IL4R: variants seen among roughly 807,000 people sequenced by gnomAD.
IL4R encodes interleukin 4 receptor, also known as interleukin-4 receptor subunit alpha.
Under a neutral mutation model 41.5 loss-of-function variants are expected in IL4R, and 17 were observed. That is an observed-to-expected ratio of 0.41 (90% CI 0.28 to 0.61). The LOEUF is 0.61. Among genes scored for constraint, IL4R ranks in the 20% least tolerant of loss-of-function variants. The pLI, the probability that IL4R is intolerant of heterozygous loss-of-function variation, is 0.31. For synonymous variants in IL4R, 402 were observed against 422.9 expected (o/e 0.95, Z 0.61); for missense variants, 974 against 1,043.1 (o/e 0.93, Z 0.91).
intron 7 of IL4R, among the ~76,000 whole-genome samples, chr16:27,353,030 C>T (rs568418072): frequency 4.5e-4 from 69 of 152,354 alleles, no homozygotes; most frequent in African/African-American, 1.7e-3. Flanking sequence ...TGCCGTCATT[C>T]TCCAGGACAA....
chr16:27,335,535 T>C (rs2085239250), intron 2 of IL4R, among the ~76,000 whole-genome samples: 1 of 152,050 alleles, frequency 6.6e-6, no homozygotes, highest in Non-Finnish European at 1.5e-5. Flanking sequence ...GCACCCGGCC[T>C]CCTCCATTTA....
At position 27,344,862 on chromosome 16, in the gene IL4R, T is replaced by C. The variant is rs113886028; in HGVS notation, c.210-7T>C. The C allele has an allele frequency of 1.9e-6, 3 of 1,613,914 alleles. No individual in the cohort carries two copies. In the South Asian group the frequency reaches 3.3e-5, roughly 18 times the overall value. On this transcript the variant is annotated splice_polypyrimidine_tract_variant and splice_region_variant and intron_variant, in intron 4 of 10. Coordinates refer to ENST00000395762, the MANE Select transcript of IL4R (RefSeq NM_000418.4). ...TGACCAGCCTAACCCAGCCCCTGTG[T>C]CTGCAGAGCCCACACGTGTATCCCT... is the stretch of plus-strand genomic sequence containing the variant.
At chr16:27,324,675 C>G (rs1026307611) in intron 1 of IL4R, among the ~76,000 whole-genome samples, 1 of 152,216 alleles carries the variant, frequency 6.6e-6, no homozygotes, top group Non-Finnish European at 1.5e-5. Context: ...GGCTTCTGGA[C>G]ACAGTTTCCT....
chr16:27,333,423 A>G (rs543733980), intron 2 of IL4R, among the ~76,000 whole-genome samples: 19 of 152,144 alleles, frequency 1.2e-4, no homozygotes, highest in Admixed American at 1.2e-3. Context: ...AGGAACTGGT[A>G]TACTGGAATC....
chr16:27,351,510 CTTT>C (rs71387789), intron 6 of IL4R, among the ~76,000 whole-genome samples: 23 of 118,552 alleles, frequency 1.9e-4, no homozygotes, highest in African/African-American at 4.9e-4. Context: ...CTCTCTCTCT[CTTT>C]TTTTTTTTTT....
intron 1 of IL4R, chr16:27,314,278 C>T (rs2084560622): frequency 3.7e-6 from 1 of 273,812 alleles, no homozygotes; most frequent in Non-Finnish European, 5.6e-6. Flanking sequence ...GGCAGTGAGA[C>T]CTCCGCCGGG....
At chr16:27,343,442 T>C (rs1343061147) in intron 4 of IL4R, among the ~76,000 whole-genome samples, 1 of 152,186 alleles carries the variant, frequency 6.6e-6, no homozygotes, top group Non-Finnish European at 1.5e-5. Flanking sequence ...TTTGTTTTCT[T>C]TGAGACAGAG....
intron 2 of IL4R, among the ~76,000 whole-genome samples, chr16:27,335,710 T>C (rs929122846): frequency 2.0e-5 from 3 of 152,142 alleles, no homozygotes; most frequent in African/African-American, 7.2e-5. Context: ...TATCTGGTAC[T>C]TTTCCTTCTC....
rs762418643 is a variant in IL4R, at chr16:27,362,576, G to C, written c.1224G>C (p.Glu408Asp). The C allele has an allele frequency of 6.2e-7, 1 of 1,614,224 alleles. No homozygotes were observed. The highest frequency in any genetic ancestry group is 1.7e-5 in the Admixed American group (1 of 60,032). ...GREGIVARLTESLFLDLLGEE... is the reference protein window; with the variant it reads ...GREGIVARLTDSLFLDLLGEE... ...AGGGCATTGTGGCCCGGCTAACAGAGAGCCTGTTCCTGGACCTGCTCGGAG... is the reference window on the plus strand; with the variant it reads ...AGGGCATTGTGGCCCGGCTAACAGACAGCCTGTTCCTGGACCTGCTCGGAG... The change falls in exon 11 of 11, where the codon GAG (glutamate) becomes GAC (aspartate). Residue 408 changes from glutamate (E) to aspartate (D), a missense_variant. Physicochemically the swap from Glu to Asp is conservative, Grantham distance 45. Transcript: ENST00000395762.
intron 2 of IL4R, among the ~76,000 whole-genome samples, chr16:27,331,764 AAGTAATAGTAATAATACTATTATTATCC>A (rs1173545044): frequency 6.6e-6 from 1 of 152,052 alleles, no homozygotes; most frequent in Non-Finnish European, 1.5e-5. Flanking sequence ...AAAAGAGTTG[AAGTAATAGTAATAATACTATTATTATCC>A]AATAATAGTA....
intron 5 of IL4R, among the ~76,000 whole-genome samples, chr16:27,346,036 C>G (rs1171438678): frequency 6.6e-6 from 1 of 151,718 alleles, no homozygotes; most frequent in African/African-American, 2.4e-5. Context: ...GTTACTTTGG[C>G]TCATACACTT....
Position 27,363,767 on chromosome 16 carries a change from A to T in IL4R, c.2415A>T (p.Ser805=). The T allele has an allele frequency of 6.2e-7, 1 of 1,611,922 alleles. No individual in the cohort carries two copies. Among genetic ancestry groups the T allele is most frequent in the Non-Finnish European group, 8.5e-7 (1 of 1,179,928 alleles). ...FHPAPGNAQS[S]SQTPKIVNFV... is the part of the protein sequence containing the mutation. ...CTGCCCCTGGCAATGCTCAGAGCTC[A>T]AGCCAGACCCCCAAAATCGTGAACT... Residue 805 remains serine, a synonymous_variant, in exon 11 of 11, where the codon TCA becomes TCT. Coordinates refer to ENST00000395762, the MANE Select transcript of IL4R (RefSeq NM_000418.4).
At chr16:27,355,938 T>C (rs1189279773) in intron 8 of IL4R, 31 bp downstream of exon 8, 1 of 1,524,226 alleles carries the variant, frequency 6.6e-7, no homozygotes, top group Non-Finnish European at 9.1e-7. Context: ...TGCCGAGCAG[T>C]CCCTCTGGAG....
chr16:27,336,055 T>A (rs1433605733), intron 2 of IL4R, among the ~76,000 whole-genome samples: 3 of 152,178 alleles, frequency 2.0e-5, no homozygotes, highest in Admixed American at 6.5e-5. Flanking sequence ...ATGTGTCTCA[T>A]ACACAGATGT....
intron 6 of IL4R, among the ~76,000 whole-genome samples, chr16:27,351,364 T>C (rs1041137871): frequency 1.3e-5 from 2 of 152,088 alleles, no homozygotes; most frequent in Non-Finnish European, 2.9e-5. Flanking sequence ...CCATCACCTT[T>C]ACCATATTCT....
intron 6 of IL4R, among the ~76,000 whole-genome samples, chr16:27,349,693 A>C (rs1316593798): frequency 6.6e-6 from 1 of 152,210 alleles, no homozygotes; most frequent in African/African-American, 2.4e-5. Context: ...TATGCCTACT[A>C]TGTGCCAGGC....
At chr16:27,335,478 C>T (rs1308557346) in intron 2 of IL4R, among the ~76,000 whole-genome samples, 1 of 152,118 alleles carries the variant, frequency 6.6e-6, no homozygotes, top group African/African-American at 2.4e-5. Flanking sequence ...AGCCATCCTC[C>T]TGCCTCAGCC....
chr16:27,342,911 G>A (rs1303647796), intron 4 of IL4R, among the ~76,000 whole-genome samples: 1 of 152,234 alleles, frequency 6.6e-6, no homozygotes, highest in Non-Finnish European at 1.5e-5. Flanking sequence ...ACGCCAGTGA[G>A]AGAGAGTGAA....
In IL4R at chr16:27,346,711, A is replaced by G. The variant is rs939134299; in HGVS notation, c.513+93A>G. The G allele has an allele frequency of 1.6e-5, 23 of 1,405,172 alleles. No homozygotes were observed. The African/African-American group carries it at 3.1e-4, about 19-fold the overall frequency. 87.0% of individuals were successfully genotyped at this position (1,405,172 alleles called of 1,614,324 possible). On this transcript the variant is annotated intron_variant, in intron 6 of 10. Transcript: ENST00000395762. ...CAGTCCCTGGAGCCAGGAGCCTGGG[A>G]GGCAAGCCCTGGGGCTGGATAGCAA...
Sources: allele counts gnomAD v4.1 joint callset (sites outside exome capture counted in the v4.1 genomes callset), GRCh38; gene constraint gnomAD v4.1.1; transcripts MANE v1.5; gene names NCBI Gene and HGNC (gene_info 2026-07-23, HGNC 2026-07-21).